The following ARHGEF6 variants were observed in gnomAD, a reference collection of about 807,000 sequenced individuals.
ARHGEF6 encodes Rac/Cdc42 guanine nucleotide exchange factor 6.
A neutral mutation model predicts 70.3 loss-of-function variants in ARHGEF6; 9 were observed. The observed-to-expected ratio is 0.13, with a 90% CI of 0.08 to 0.22. The LOEUF (loss-of-function observed/expected upper bound fraction) is 0.22. Among genes scored for constraint, ARHGEF6 ranks in the 10% least tolerant of loss-of-function variants. The pLI is 1.00. For missense variants in ARHGEF6, 470 were observed against 563.0 expected (o/e 0.83, Z 1.67); for synonymous variants, 201 against 207.8 (o/e 0.97, Z 0.28).
rs1176678410 is a variant in ARHGEF6 at position 136,686,621 on chromosome X, TACAC to T, written c.1246-802_1246-799del. On this transcript the variant is annotated intron_variant, in intron 11 of 21. Coordinates refer to ENST00000250617, the MANE Select transcript of ARHGEF6 (RefSeq NM_004840.3). ...ATATATATATATATATATATATATA[TACAC>T]ATATATATATATATATACACACATA... 5.5e-3 allele frequency among the ~76,000 whole-genome samples: 379 copies of T among 68,438 alleles called. 4 individuals are homozygous for T. Among genetic ancestry groups the T allele is most frequent in the African/African-American group, 0.017 (212 of 12,662 alleles). 59.4% of individuals were successfully genotyped at this position (68,438 alleles called of 115,157 possible).
intron 20 of ARHGEF6, 46 bp downstream of exon 20, chrX:136,671,974 G>T: frequency 9.3e-7 from 1 of 1,078,250 alleles, no homozygotes; most frequent in Non-Finnish European, 1.3e-6. Context: ...AGACCTTCTT[G>T]CCAGCCCCAA....
At chrX:136,686,662 ATGTG>A (rs1209114179) in intron 11 of ARHGEF6, among the ~76,000 whole-genome samples, 45 of 76,402 alleles carry the variant, frequency 5.9e-4, no homozygotes, top group Non-Finnish European at 1.0e-3. Context: ...ATATATACAC[ATGTG>A]TATATATATA....
chrX:136,691,200 C>G (rs1400101372), intron 9 of ARHGEF6, among the ~76,000 whole-genome samples: 1 of 111,673 alleles, frequency 9.0e-6, no homozygotes, highest in Non-Finnish European at 1.9e-5. Context: ...ATTGGCTGGT[C>G]AGGTGCCTAA....
At position 136,680,749 on chromosome X, in the gene ARHGEF6, T is replaced by A; in HGVS notation, c.1686A>T (p.Ser562=). Residue 562 remains serine (S), a synonymous_variant, in exon 15 of 22, where the codon TCA becomes TCT. Coordinates refer to ENST00000250617, the MANE Select transcript of ARHGEF6 (RefSeq NM_004840.3). ...TACTTACAGAATGAGCACTACATGATGACGATGAGGTTTTGGATAATGAAC... is the reference window on the plus strand; with the variant it reads ...TACTTACAGAATGAGCACTACATGAAGACGATGAGGTTTTGGATAATGAAC... ...SCSSLSKTSS[S]SCSAHSSFSS... 1 of 1,211,796 alleles carries A rather than the reference T, an allele frequency of 8.3e-7. No homozygotes were observed. Among genetic ancestry groups the A allele is most frequent in the Non-Finnish European group, 1.1e-6 (1 of 895,406 alleles).
Position 136,667,866 on chromosome X carries a change from A to G in ARHGEF6, c.*163T>C, listed in dbSNP as rs925700944. The G allele has an allele frequency of 2.4e-5, 16 of 669,873 alleles. No individual in the cohort carries two copies. Among genetic ancestry groups the G allele is most frequent in the Middle Eastern group, 9.4e-4 (2 of 2,139 alleles). 55.2% of individuals were successfully genotyped at this position (669,873 alleles called of 1,213,427 possible). A position where few individuals can be genotyped will look rare whatever the true frequency, so the allele number is the denominator to read the frequency against. Reference sequence around the variant, plus strand: ...CCCAAGCGCGCACGTGCACGCACACACATATGCACACAGCGGGGAGAGAAA... The same window carrying G: ...CCCAAGCGCGCACGTGCACGCACACGCATATGCACACAGCGGGGAGAGAAA... On this transcript the variant is annotated 3_prime_UTR_variant, in exon 22 of 22. Transcript: ENST00000250617.
At chrX:136,767,180 C>T in intron 2 of ARHGEF6, 1 of 755,649 alleles carries the variant, frequency 1.3e-6, no homozygotes, top group Non-Finnish European at 1.6e-6. Context: ...TCCAGCTGCT[C>T]CCTCACTCCA....
rs754625714 is a variant in ARHGEF6, at chrX:136,679,937, A to G, written c.1705-277T>C. ...ATTTAATTTTCTTTCCTCTGTAAGG[A>G]AGGAAAATGGAGTAGCAGTCAACAT... On this transcript the variant is annotated intron_variant, in intron 15 of 21. Transcript: ENST00000250617. Among the ~76,000 whole-genome samples the G allele has an allele frequency of 3.6e-5, 4 of 112,256 alleles. No individual in the cohort carries two copies. The South Asian group carries it at 1.5e-3, about 41-fold the overall frequency.
At chrX:136,702,960 C>T (rs5974618) in intron 9 of ARHGEF6, among the ~76,000 whole-genome samples, 4,417 of 111,171 alleles carry the variant, frequency 0.04, 243 homozygotes, top group African/African-American at 0.14. Flanking sequence ...CAAGATAGAC[C>T]ACGTTATGGG....
At chrX:136,737,162 A>C (rs1255475854) in intron 5 of ARHGEF6, among the ~76,000 whole-genome samples, 1 of 111,864 alleles carries the variant, frequency 8.9e-6, no homozygotes, top group Non-Finnish European at 1.9e-5. Context: ...AATGGCCTAA[A>C]AGGTTGTATG....
chrX:136,749,163 C>G (rs2077125844), intron 2 of ARHGEF6, among the ~76,000 whole-genome samples: 1 of 111,937 alleles, frequency 8.9e-6, no homozygotes, highest in African/African-American at 3.2e-5. Flanking sequence ...AAAATTCAAA[C>G]TTTTCCAGAA....
At chrX:136,759,253 G>C (rs1201772348) in intron 2 of ARHGEF6, among the ~76,000 whole-genome samples, 6 of 111,968 alleles carry the variant, frequency 5.4e-5, no homozygotes, top group Non-Finnish European at 1.1e-4. Context: ...TCTTTTGCTG[G>C]AGACCTCCTC....
At chrX:136,701,730 T>C (rs1254612095) in intron 9 of ARHGEF6, among the ~76,000 whole-genome samples, 2 of 91,650 alleles carry the variant, frequency 2.2e-5, no homozygotes, top group Non-Finnish European at 4.2e-5. Context: ...TTTTTTGAGA[T>C]GGAGTCTCGC....
chrX:136,672,526 G>A (rs2076235586), intron 19 of ARHGEF6, among the ~76,000 whole-genome samples: 2 of 111,998 alleles, frequency 1.8e-5, no homozygotes, highest in Admixed American at 1.9e-4. Flanking sequence ...TGTCATTGTA[G>A]TAAAAGGTTG....
At chrX:136,750,544 A>T (rs2077139037) in intron 2 of ARHGEF6, among the ~76,000 whole-genome samples, 1 of 111,482 alleles carries the variant, frequency 9.0e-6, no homozygotes, top group African/African-American at 3.3e-5. Context: ...AGGTCAGATG[A>T]ACAGCAGGAT....
At chrX:136,725,804 C>A (rs1723656647) in intron 6 of ARHGEF6, among the ~76,000 whole-genome samples, 1 of 111,804 alleles carries the variant, frequency 8.9e-6, no homozygotes, top group Admixed American at 9.4e-5. Flanking sequence ...CTCAACCAAC[C>A]TTTGCCTGAA....
chrX:136,775,000 T>C (rs1348396397), intron 2 of ARHGEF6, among the ~76,000 whole-genome samples: 2 of 111,511 alleles, frequency 1.8e-5, no homozygotes, highest in Admixed American at 9.6e-5. Context: ...GGGGCAAAGC[T>C]ACCAGCATTG....
intron 18 of ARHGEF6, among the ~76,000 whole-genome samples, chrX:136,675,641 G>A (rs890457549): frequency 1.8e-5 from 2 of 109,557 alleles, no homozygotes; most frequent in South Asian, 4.0e-4. Context: ...TCAGCCTCCC[G>A]AGTTGTTGGG....
intron 6 of ARHGEF6, among the ~76,000 whole-genome samples, chrX:136,729,040 CT>C (rs2076902351): frequency 1.0e-5 from 1 of 96,072 alleles, no homozygotes; most frequent in African/African-American, 3.9e-5. Context: ...CTCTCTCTCT[CT>C]CTCTCTCTCT....
chrX:136,735,769 G>T (rs953034458), intron 5 of ARHGEF6, among the ~76,000 whole-genome samples: 2 of 111,560 alleles, frequency 1.8e-5, no homozygotes. Flanking sequence ...GTGGTGATAA[G>T]ACAAAAAGAA....
Sources: allele counts gnomAD v4.1 joint callset (sites outside exome capture counted in the v4.1 genomes callset), GRCh38; gene constraint gnomAD v4.1.1; transcripts MANE v1.5; gene names NCBI Gene and HGNC (gene_info 2026-07-23, HGNC 2026-07-21).